The following SNX2 variants were observed in gnomAD, a reference collection of about 807,000 sequenced individuals.
SNX2 encodes sorting nexin-2.
A neutral mutation model predicts 69.9 loss-of-function variants in SNX2; 25 were observed. The observed-to-expected ratio is 0.36, with a 90% confidence interval of 0.26 to 0.50. SNX2 has a LOEUF of 0.50. Among genes scored for constraint, SNX2 ranks in the 20% least tolerant of loss-of-function variants. SNX2 has a pLI of 0.97. For synonymous variants in SNX2, 229 were observed against 200.4 expected, an observed-to-expected ratio of 1.14 and a Z score of -1.20; for missense variants, 551 against 613.3, an observed-to-expected ratio of 0.90 and a Z score of 1.07.
intron 8 of SNX2, 65 bp downstream of exon 8, chr5:122,816,036 G>A: frequency 2.5e-6 from 2 of 790,176 alleles, no homozygotes; most frequent in South Asian, 1.9e-5. Flanking sequence ...TAATGTATAT[G>A]ACTATATATA....
chr5:122,800,850 T>C (rs1273882835), intron 3 of SNX2, among the ~76,000 whole-genome samples: 2 of 152,196 alleles, frequency 1.3e-5, no homozygotes, highest in African/African-American at 4.8e-5. Context: ...TTTTGCAAAG[T>C]TGAATAATCT....
At chr5:122,793,910 T>C (rs867958029) in intron 1 of SNX2, among the ~76,000 whole-genome samples, 142 of 129,374 alleles carry the variant, frequency 1.1e-3, no homozygotes, top group Admixed American at 1.8e-3. Context: ...CAAAATTCTG[T>C]CCCCCCAAAA....
chr5:122,828,054 A>AT (rs1754196983), intron 14 of SNX2: 1 of 154,426 alleles, frequency 6.5e-6, no homozygotes, highest in African/African-American at 2.4e-5. Context: ...TACTGTTTTC[A>AT]TTTTTGCTTT....
intron 11 of SNX2, among the ~76,000 whole-genome samples, chr5:122,822,913 A>G (rs1040464609): frequency 6.6e-6 from 1 of 152,226 alleles, no homozygotes; most frequent in African/African-American, 2.4e-5. Context: ...AGGGGTTTAA[A>G]CGCTTTATTC....
At chr5:122,785,952 G>A (rs1753077175) in intron 1 of SNX2, among the ~76,000 whole-genome samples, 1 of 152,152 alleles carries the variant, frequency 6.6e-6, no homozygotes. Context: ...CAATTACTGA[G>A]AGAAAAGTGT....
chr5:122,822,724 A>T (rs900394659), intron 11 of SNX2, among the ~76,000 whole-genome samples: 1 of 152,188 alleles, frequency 6.6e-6, no homozygotes, highest in Non-Finnish European at 1.5e-5. Context: ...AGTTGGCTGT[A>T]TCCTTACAAG....
intron 1 of SNX2, among the ~76,000 whole-genome samples, chr5:122,786,249 C>CATGTGTGTAGTTTTTT (rs1753084234): frequency 6.6e-6 from 1 of 151,972 alleles, no homozygotes; most frequent in Non-Finnish European, 1.5e-5. Flanking sequence ...GTCTTTCAAG[C>CATGTGTGTAGTTTTTT]AGGTTTTTTT....
At chr5:122,796,814 G>T (rs537643643) in intron 2 of SNX2, among the ~76,000 whole-genome samples, 39 of 152,042 alleles carry the variant, frequency 2.6e-4, no homozygotes, top group African/African-American at 9.2e-4. Flanking sequence ...CTGTGTCTGT[G>T]TGTGTTTGTG....
chr5:122,815,905 A>T lies in SNX2; in HGVS notation c.732A>T (p.Gln244His), dbSNP rs747733159. 1 of 1,596,146 alleles carries T rather than the reference A, an allele frequency of 6.3e-7. No homozygotes were observed. The highest frequency in any genetic ancestry group is 1.7e-5 in the Admixed American group (1 of 58,618). Reference protein sequence around the residue: ...KRRAALERYLQRTVKHPTLLQ... With the variant: ...KRRAALERYLHRTVKHPTLLQ... ...TTACTCTTAAATCTAGGTATCTTCA[A>T]AGAACAGTAAAACATCCAACTTTAC... The change falls in exon 8 of 15, where the codon CAA (glutamine) becomes CAT (histidine). Residue 244 changes from glutamine to histidine, a missense_variant. Physicochemically the swap from Gln to His is conservative, Grantham distance 24. Transcript: ENST00000379516.
intron 7 of SNX2, among the ~76,000 whole-genome samples, chr5:122,809,286 A>G (rs1208479800): frequency 6.6e-6 from 1 of 152,188 alleles, no homozygotes; most frequent in Non-Finnish European, 1.5e-5. Context: ...TTTGGTATCC[A>G]TAGGATGTCC....
At chr5:122,802,048 G>A (rs756209944) in intron 4 of SNX2, 33 bp from the exon 5 acceptor site, 12 of 1,595,424 alleles carry the variant, frequency 7.5e-6, no homozygotes, top group Non-Finnish European at 8.6e-6. Context: ...TTATGCATGT[G>A]ATTTTAATAG....
At chr5:122,824,074 T>C (rs529440956) in intron 11 of SNX2, among the ~76,000 whole-genome samples, 14 of 151,806 alleles carry the variant, frequency 9.2e-5, no homozygotes, top group African/African-American at 3.4e-4. Flanking sequence ...TGGTGGCGGG[T>C]GCCTGTAGTC....
chr5:122,781,647 T>G (rs1266543116), intron 1 of SNX2, among the ~76,000 whole-genome samples: 1 of 152,190 alleles, frequency 6.6e-6, no homozygotes, highest in African/African-American at 2.4e-5. Context: ...AATGACAGTT[T>G]TTCCATATCC....
At chr5:122,776,025 C>T (rs1752849307) in intron 1 of SNX2, among the ~76,000 whole-genome samples, 1 of 152,056 alleles carries the variant, frequency 6.6e-6, no homozygotes, top group South Asian at 2.1e-4. Flanking sequence ...CTGTATTGGG[C>T]CCTCCTTATA....
rs1475584096 is a variant in SNX2 at position 122,831,596 on chromosome 5, A to G, written c.*1948A>G. On this transcript the variant is annotated 3_prime_UTR_variant, in exon 15 of 15. Coordinates refer to ENST00000379516, the MANE Select transcript of SNX2 (RefSeq NM_003100.4). ...ATCATCTTTTGTTGCTTCTGGGAAT[A>G]CTTTTCAGAAACGAATAATTCATAG... is the stretch of plus-strand genomic sequence containing the variant. Among the ~76,000 whole-genome samples, 1 of 152,208 alleles carries G rather than the reference A, an allele frequency of 6.6e-6. No individual in the cohort carries two copies. The highest frequency in any genetic ancestry group is 2.4e-5 in the African/African-American group (1 of 41,458).
rs944865332 is a variant in SNX2, at chr5:122,775,815, G to A, written c.108+604G>A. On this transcript the variant is annotated intron_variant, in intron 1 of 14. Coordinates refer to ENST00000379516, the MANE Select transcript of SNX2 (RefSeq NM_003100.4). ...TCTTTAGTTCCTAGACTTTTAAAAGGTCATAGTATTTATAAAATGTAAAGC... is the reference window on the plus strand; with the variant it reads ...TCTTTAGTTCCTAGACTTTTAAAAGATCATAGTATTTATAAAATGTAAAGC... 3 of 971,924 alleles carry A rather than the reference G, an allele frequency of 3.1e-6. No individual in the cohort carries two copies. In the African/African-American group the frequency reaches 5.3e-5, roughly 17 times the overall value. 60.2% of individuals were successfully genotyped at this position (971,924 alleles called of 1,614,324 possible). A position where few individuals can be genotyped will look rare whatever the true frequency, so the allele number is the denominator to read the frequency against.
rs1754296736 is a variant in SNX2 at position 122,831,804 on chromosome 5, G to A, written c.*2156G>A. Among the ~76,000 whole-genome samples, 1 of 152,080 alleles carries A rather than the reference G, an allele frequency of 6.6e-6. No individual in the cohort carries two copies. The highest frequency in any genetic ancestry group is 6.6e-5 in the Admixed American group (1 of 15,262). ...TATTAAAATCTTCCATTCAGATGTG[G>A]TACATTAGAATATTCAGTACCTCCA... is the stretch of plus-strand genomic sequence containing the variant. On this transcript the variant is annotated 3_prime_UTR_variant, in exon 15 of 15. Transcript: ENST00000379516.
At position 122,824,247 on chromosome 5, in the gene SNX2, T is replaced by G. The variant is rs77194676; in HGVS notation, c.1213-1803T>G. Reference sequence around the variant, plus strand: ...AAATTGTAAAAAACACTGATGACATTTTTTTTTTAAAGCTCATCACTTAGT... The same window carrying G: ...AAATTGTAAAAAACACTGATGACATGTTTTTTTTAAAGCTCATCACTTAGT... On this transcript the variant is annotated intron_variant, in intron 11 of 14. Transcript: ENST00000379516. 3.4e-3 allele frequency among the ~76,000 whole-genome samples: 508 copies of G among 150,946 alleles called. 3 individuals carry two copies. Among genetic ancestry groups the G allele is most frequent in the African/African-American group, 0.011 (460 of 41,212 alleles).
chr5:122,794,342 T>C (rs892795571), intron 1 of SNX2, among the ~76,000 whole-genome samples: 18 of 152,008 alleles, frequency 1.2e-4, no homozygotes, highest in Admixed American at 2.0e-4. Flanking sequence ...AAAACAAGAA[T>C]AGTCATTAGC....
Sources: gnomAD v4.1 joint callset for allele counts (sites outside exome capture counted in the v4.1 genomes callset) on GRCh38, gnomAD v4.1.1 for gene constraint, MANE v1.5 for transcripts, NCBI Gene and HGNC (gene_info 2026-07-23, HGNC 2026-07-21) for gene names.